The following SPAG8 variants were observed in gnomAD, a reference collection of about 807,000 sequenced individuals.
SPAG8 encodes the protein sperm associated antigen 8, also known as sperm-associated antigen 8.
Under a neutral mutation model 45.3 loss-of-function variants are expected in SPAG8, and 36 were observed. The ratio of observed to expected loss-of-function variants is 0.80; its 90% CI spans 0.61 to 1.05. SPAG8 has a LOEUF of 1.05. Among genes scored for constraint, SPAG8 ranks in the 50% least tolerant of loss-of-function variants. The pLI, the probability that SPAG8 is intolerant of heterozygous loss-of-function variation, is 0.00. For synonymous variants in SPAG8, 227 were observed against 232.6 expected (o/e 0.98, Z 0.22); for missense variants, 573 against 609.2 (o/e 0.94, Z 0.63).
Position 35,811,234 on chromosome 9 carries a change from C to T in SPAG8, c.812G>A (p.Cys271Tyr), listed in dbSNP as rs779103136. 4.4e-6 allele frequency: 7 copies of T among 1,598,992 alleles called. No individual in the cohort carries two copies. Among genetic ancestry groups the T allele is most frequent in the Non-Finnish European group, 6.0e-6 (7 of 1,170,994 alleles). ...PPDIKGKLMVCYETLPRGQCL... is the reference protein window; with the variant it reads ...PPDIKGKLMVYYETLPRGQCL... ...CTGGCCCCGCGGCAAAGTTTCATAG[C>T]AAACCATAAGCTTCCCTTTAATGTC... The change falls in exon 2 of 7, where the codon TGC (cysteine) becomes TAC (tyrosine). Residue 271 changes from cysteine (C) to tyrosine (Y), a missense_variant. Physicochemically the swap from Cys to Tyr is radical, Grantham distance 194. Transcript: ENST00000396638.
In SPAG8 at chr9:35,811,372, A is replaced by C; in HGVS notation, c.674T>G (p.Val225Gly). 1 of 1,614,044 alleles carries C rather than the reference A, an allele frequency of 6.2e-7. No homozygotes were observed. The highest frequency in any genetic ancestry group is 8.5e-7 in the Non-Finnish European group (1 of 1,180,004). The change falls in exon 2 of 7, where the codon GTC becomes GGC. Residue 225 changes from valine to glycine, a missense_variant. By Grantham distance (109) the Val-to-Gly change is moderately radical (BLOSUM62 -3). Coordinates refer to ENST00000396638, the MANE Select transcript of SPAG8 (RefSeq NM_001039592.2). ...PGFRNLVADR[V>G]PNYTSWSQHC... ...CTGACTCCAGGAGGTATAGTTAGGG[A>C]CCCGATCTGCCACCAGGTTTCTGAA...
chr9:35,808,569 C>T (rs773576490), downstream of SPAG8: 33 of 1,614,080 alleles, frequency 2.0e-5, no homozygotes, highest in Admixed American at 4.2e-4. The surrounding 1 kb of genome is among the most constrained non-coding windows in gnomAD (Gnocchi z 4.0). Context: ...AAATGGTCAA[C>T]GCCATGCACC....
Position 35,812,115 on chromosome 9 carries a change from CCGCGAT to C in SPAG8, c.27_32del (p.Arg15_Ser16del). ...GCTGCGGCTCTCACCGCGACCGCGA[CCGCGAT>C]CCCTCCGTAGACTCGTTGGTCTCCA... is the stretch of plus-strand genomic sequence containing the variant. On this transcript the variant is annotated inframe_deletion, in exon 1 of 7. Coordinates refer to ENST00000396638, the MANE Select transcript of SPAG8 (RefSeq NM_001039592.2). The C allele has an allele frequency of 6.2e-7, 1 of 1,608,996 alleles. No homozygotes were observed. Among genetic ancestry groups the C allele is most frequent in the Non-Finnish European group, 8.5e-7 (1 of 1,179,968 alleles).
Position 35,811,244 on chromosome 9 carries a change from G to A in SPAG8, c.802C>T (p.Leu268Phe). The stretch of plus-strand genomic sequence containing the variant: ...GGCAAAGTTTCATAGCAAACCATAA[G>A]CTTCCCTTTAATGTCTGGGGGTTTC... Reference protein sequence around the residue: ...LWKPPDIKGKLMVCYETLPRG... With the variant: ...LWKPPDIKGKFMVCYETLPRG... Residue 268 changes from leucine to phenylalanine, a missense_variant, in exon 2 of 7, where the codon CTT becomes TTT. Transcript: ENST00000396638. 3 of 1,606,266 alleles carry A rather than the reference G, an allele frequency of 1.9e-6. 1 individual carries two copies. In the East Asian group the frequency reaches 6.7e-5, roughly 36 times the overall value.
chr9:35,810,082 G>A lies in SPAG8; in HGVS notation c.1314C>T (p.Ser438=). The A allele has an allele frequency of 6.2e-7, 1 of 1,613,252 alleles. No homozygotes were observed. The highest frequency in any genetic ancestry group is 8.5e-7 in the Non-Finnish European group (1 of 1,179,502). ...TLDTPFRKNC[S]FSTPVPLSLG... is the part of the protein sequence containing the mutation. ...GAGACAAGGGTACTGGTGTTGAGAAGCTGCAGTTCTTCCGGAATGGTGTGT... is the reference window on the plus strand; with the variant it reads ...GAGACAAGGGTACTGGTGTTGAGAAACTGCAGTTCTTCCGGAATGGTGTGT... Residue 438 remains serine, a synonymous_variant, in exon 7 of 7, where the codon AGC becomes AGT. Transcript: ENST00000396638.
chr9:35,807,958 T>C, downstream of SPAG8: 4 of 566,988 alleles, frequency 7.1e-6, no homozygotes, highest in South Asian at 4.3e-5. Context: ...TACCTAACAT[T>C]GTTTGGCATG....
At position 35,811,213 on chromosome 9, in the gene SPAG8, C is replaced by G; in HGVS notation, c.833G>C (p.Gly278Ala). 6.3e-7 allele frequency: 1 copy of G among 1,582,464 alleles called. No individual in the cohort carries two copies. The highest frequency in any genetic ancestry group is 1.8e-5 in the Admixed American group (1 of 56,844). The change falls in exon 2 of 7, where the codon GGC becomes GCC. Residue 278 changes from glycine (G) to alanine (A), a missense_variant. Coordinates refer to ENST00000396638, the MANE Select transcript of SPAG8 (RefSeq NM_001039592.2). ...LMVCYETLPR[G>A]QCLLYNWEEE... ...CTCCCAGTTGTAGAGGAGGCACTGGCCCCGCGGCAAAGTTTCATAGCAAAC... is the reference window on the plus strand; with the variant it reads ...CTCCCAGTTGTAGAGGAGGCACTGGGCCCGCGGCAAAGTTTCATAGCAAAC...
In SPAG8 at chr9:35,810,884, T is replaced by C. The variant is rs1213382770; in HGVS notation, c.1038A>G (p.Arg346=). 3.7e-6 allele frequency: 6 copies of C among 1,612,222 alleles called. No homozygotes were observed. The highest frequency in any genetic ancestry group is 5.1e-6 in the Non-Finnish European group (6 of 1,179,250). The part of the protein sequence containing the change: ...QPPGNVYWPL[R]GKREAMLEML... The stretch of plus-strand genomic sequence containing the variant: ...GGCCTACCCTCTCACATTTCACACC[T>C]CGAAGTGGCCAATAGACGTTTCCTG... Residue 346 remains arginine, a splice_region_variant and synonymous_variant, in exon 3 of 7, where the codon CGA becomes CGG. Transcript: ENST00000396638.
intron 4 of SPAG8, 21 bp from the exon 5 acceptor site, chr9:35,810,574 C>T: frequency 1.2e-6 from 2 of 1,613,860 alleles, no homozygotes; most frequent in South Asian, 2.2e-5. Context: ...CGAGGGGTGT[C>T]AAGGCCATTC....
downstream of SPAG8, chr9:35,808,457 C>G: frequency 6.3e-7 from 1 of 1,588,330 alleles, no homozygotes; most frequent in Non-Finnish European, 8.6e-7. The surrounding 1 kb of genome is among the most constrained non-coding windows in gnomAD (Gnocchi z 4.0). Context: ...CTACTTTTTC[C>G]CATCCCCATG....
At chr9:35,809,054 G>T, downstream of SPAG8, 1 of 1,190,002 alleles carries the variant, frequency 8.4e-7, no homozygotes. The surrounding 1 kb of genome is among the most constrained non-coding windows in gnomAD (Gnocchi z 4.1). Flanking sequence ...GAGCTTCCCA[G>T]GGATGGTTGG....
downstream of SPAG8, chr9:35,809,028 A>G: frequency 9.6e-7 from 1 of 1,043,938 alleles, no homozygotes; most frequent in Non-Finnish European, 1.5e-6. The surrounding 1 kb of genome is among the most constrained non-coding windows in gnomAD (Gnocchi z 4.1). Context: ...TTTTGGTCCT[A>G]ATAGATATGC....
In SPAG8 at chr9:35,810,499, A is replaced by C. The variant is rs1175208545; in HGVS notation, c.1140T>G (p.Ser380=). 1.2e-6 allele frequency: 2 copies of C among 1,614,090 alleles called. No individual in the cohort carries two copies. The highest frequency in any genetic ancestry group is 1.7e-6 in the Non-Finnish European group (2 of 1,180,042). The stretch of plus-strand genomic sequence containing the variant: ...CCATTCGGTAGTCATGGTGTGTCAC[A>C]GACTCAACCTCGAAGAGCTTCCTTG... ...EPTRKLFEVE[S]VTHHDYRMEL... The change falls in exon 5 of 7, where the codon TCT becomes TCG. Residue 380 remains serine (S), a synonymous_variant. Coordinates refer to ENST00000396638, the MANE Select transcript of SPAG8 (RefSeq NM_001039592.2).
At position 35,810,459 on chromosome 9, in the gene SPAG8, C is replaced by T. The variant is rs150869351; in HGVS notation, c.1180G>A (p.Gly394Arg). The change falls in exon 5 of 7, where the codon GGG (glycine) becomes AGG (arginine). Residue 394 changes from glycine to arginine, a missense_variant. Transcript: ENST00000396638. ...HDYRMELAQAGTPAPTKPHDY... is the reference protein window; with the variant it reads ...HDYRMELAQARTPAPTKPHDY... ...CTCACCTTTGTTGGGGCAGGAGTCCCTGCTTGTGCCAGCTCCATTCGGTAG... is the reference window on the plus strand; with the variant it reads ...CTCACCTTTGTTGGGGCAGGAGTCCTTGCTTGTGCCAGCTCCATTCGGTAG... 207 of 1,613,904 alleles carry T rather than the reference C, an allele frequency of 1.3e-4. No homozygotes were observed. In the Middle Eastern group the frequency reaches 1.3e-3, roughly 10 times the overall value.
At position 35,810,933 on chromosome 9, in the gene SPAG8, G is replaced by A. The variant is rs111372290; in HGVS notation, c.989C>T (p.Thr330Ile). 6.2e-7 allele frequency: 1 copy of A among 1,614,016 alleles called. No homozygotes were observed. ...TGGTGGCTGGTACGAGTCTTTCTGG[G>A]TGGTGCTGGAGGGCATGGGTGACTT... ...QLKSPMPSST[T>I]QKDSYQPPGN... The change falls in exon 3 of 7, where the codon ACC becomes ATC. Residue 330 changes from threonine to isoleucine, a missense_variant. Coordinates refer to ENST00000396638, the MANE Select transcript of SPAG8 (RefSeq NM_001039592.2).
At chr9:35,808,268 CATTCATTCCGCAA>C, downstream of SPAG8, 1 of 1,614,100 alleles carries the variant, frequency 6.2e-7, no homozygotes, top group South Asian at 1.1e-5. This position sits in a 1 kb window ranked among gnomAD's most constrained non-coding sequence, Gnocchi z 4.0. Context: ...ACAGGGTGTT[CATTCATTCCGCAA>C]ATGTTTACTG....
rs891230782 is a variant in SPAG8, at chr9:35,812,206, C to T, written c.-59G>A. On this transcript the variant is annotated 5_prime_UTR_variant, in exon 1 of 7. Transcript: ENST00000396638. ...CAGCAAACAACTCCTGGAGCCTGCG[C>T]AGAAGTACAGCTGGGCGGACTTGCA... 2 of 1,581,302 alleles carry T rather than the reference C, an allele frequency of 1.3e-6. No homozygotes were observed. Among genetic ancestry groups the T allele is most frequent in the South Asian group, 2.2e-5 (2 of 89,484 alleles).
intron 1 of SPAG8, 41 bp from the exon 2 acceptor site, chr9:35,812,042 C>T (rs1828838045): frequency 1.2e-6 from 2 of 1,609,060 alleles, no homozygotes; most frequent in African/African-American, 2.7e-5. Context: ...AAAAGCGCAG[C>T]AGAGGAAGTC....
rs937894068 is a variant in SPAG8, at chr9:35,811,254, A to G, written c.792T>C (p.Ile264=). 6.2e-7 allele frequency: 1 copy of G among 1,609,816 alleles called. No homozygotes were observed. The highest frequency in any genetic ancestry group is 8.5e-7 in the Non-Finnish European group (1 of 1,177,362). ...CATAGCAAACCATAAGCTTCCCTTTAATGTCTGGGGGTTTCCATAGTCCTC... is the reference window on the plus strand; with the variant it reads ...CATAGCAAACCATAAGCTTCCCTTTGATGTCTGGGGGTTTCCATAGTCCTC... ...GARGLWKPPD[I]KGKLMVCYET... The change falls in exon 2 of 7, where the codon ATT becomes ATC. Residue 264 remains isoleucine, a synonymous_variant. Transcript: ENST00000396638.
Sources: gnomAD v4.1 joint callset for allele counts on GRCh38, gnomAD v4.1.1 for gene constraint, Gnocchi (gnomAD v3.1) non-coding constraint, MANE v1.5 for transcripts, NCBI Gene and HGNC (gene_info 2026-07-23, HGNC 2026-07-21) for gene names.